SNX16: variants seen among roughly 807,000 people sequenced by gnomAD.
The protein encoded by SNX16 is sorting nexin 16.
SNX16 carries 35 observed loss-of-function variants against 36.7 expected under a neutral mutation model. That is an observed-to-expected ratio of 0.95 (90% confidence interval 0.73 to 1.27). The LOEUF is 1.27. Ranked by LOEUF, SNX16 falls within the 50% of genes most tolerant of loss-of-function variation. The probability of loss-of-function intolerance (pLI) is 0.00; values close to 1 mark genes in which losing one functional copy is unlikely to be tolerated. For synonymous variants in SNX16, 134 were observed against 132.0 expected, an observed-to-expected ratio of 1.02 and a Z score of -0.10; for missense variants, 367 against 393.6, an observed-to-expected ratio of 0.93 and a Z score of 0.57.
At chr8:81,827,967 C>T (rs1416266548) in intron 3 of SNX16, among the ~76,000 whole-genome samples, 1 of 152,128 alleles carries the variant, frequency 6.6e-6, no homozygotes, top group East Asian at 1.9e-4. Context: ...TGATTTTTCT[C>T]TTGGCTTCCA....
At chr8:81,837,977 A>T (rs56148400) in intron 2 of SNX16, among the ~76,000 whole-genome samples, 3,001 of 152,330 alleles carry the variant, frequency 0.02, 115 homozygotes, top group Admixed American at 0.097. Flanking sequence ...TGAAACATTG[A>T]AGTAAACATT....
At chr8:81,808,310 C>A in intron 5 of SNX16, 4 of 1,202,652 alleles carry the variant, frequency 3.3e-6, no homozygotes, top group Non-Finnish European at 1.2e-6. Context: ...GTTAGGAAGA[C>A]CTGTCAAAGC....
At chr8:81,831,524 C>A (rs1811267306) in intron 2 of SNX16, among the ~76,000 whole-genome samples, 1 of 151,444 alleles carries the variant, frequency 6.6e-6, no homozygotes, top group Non-Finnish European at 1.5e-5. Flanking sequence ...ATGGTGAAAC[C>A]CCGCCTCTAC....
chr8:81,815,487 T>A, intron 4 of SNX16, 93 bp from the exon 5 acceptor site: 1 of 935,616 alleles, frequency 1.1e-6, no homozygotes, highest in Non-Finnish European at 1.6e-6. Flanking sequence ...TACAGTGTTT[T>A]AAACAAGTTG....
intron 2 of SNX16, among the ~76,000 whole-genome samples, chr8:81,836,379 T>TAC (rs952161049): frequency 5.3e-5 from 8 of 152,218 alleles, no homozygotes; most frequent in Non-Finnish European, 1.2e-4. Flanking sequence ...CTTATATGTA[T>TAC]ACACACACAT....
intron 4 of SNX16, among the ~76,000 whole-genome samples, chr8:81,822,212 G>T (rs1810778961): frequency 6.6e-6 from 1 of 152,054 alleles, no homozygotes; most frequent in Non-Finnish European, 1.5e-5. Flanking sequence ...ACCTAACGAA[G>T]TGCAGTTTGT....
At chr8:81,818,271 ATTC>A (rs1810578800) in intron 4 of SNX16, among the ~76,000 whole-genome samples, 1 of 152,062 alleles carries the variant, frequency 6.6e-6, no homozygotes, top group Non-Finnish European at 1.5e-5. Context: ...AAATAACTGA[ATTC>A]TTCTTTCATT....
intron 1 of SNX16, chr8:81,840,535 T>C (rs1175406903): frequency 6.6e-6 from 1 of 152,578 alleles, no homozygotes; most frequent in Non-Finnish European, 1.5e-5. Flanking sequence ...TCTATTCACA[T>C]TACCTTTCAA....
At chr8:81,806,139 C>A (rs1410272645) in intron 5 of SNX16, among the ~76,000 whole-genome samples, 1 of 152,056 alleles carries the variant, frequency 6.6e-6, no homozygotes, top group Non-Finnish European at 1.5e-5. Flanking sequence ...ATTTAGGGAA[C>A]AACCAATATG....
At chr8:81,818,094 G>A (rs1005188607) in intron 4 of SNX16, among the ~76,000 whole-genome samples, 1 of 151,922 alleles carries the variant, frequency 6.6e-6, no homozygotes, top group Non-Finnish European at 1.5e-5. Flanking sequence ...GAGTTTTACC[G>A]TATTTTCAAA....
At position 81,822,964 on chromosome 8, in the gene SNX16, A is replaced by ATATATATATATATGTATATG. The variant is rs1554546264; in HGVS notation, c.611+827_611+828insCATATACATATATATATATA. Among the ~76,000 whole-genome samples the ATATATATATATATGTATATG allele has an allele frequency of 5.7e-3, 727 of 127,018 alleles. 7 individuals are homozygous for ATATATATATATATGTATATG. The highest frequency in any genetic ancestry group is 0.014 in the African/African-American group (439 of 32,248). 83.3% of individuals were successfully genotyped at this position (127,018 alleles called of 152,430 possible). ...TACATATACATATATATATATATAT[A>ATATATATATATATGTATATG]TATATATATATACACATATGTGTGT... On this transcript the variant is annotated intron_variant, in intron 4 of 7. Coordinates refer to ENST00000345957, the MANE Select transcript of SNX16 (RefSeq NM_152836.3).
chr8:81,807,648 G>T, intron 5 of SNX16: 1 of 441,146 alleles, frequency 2.3e-6, no homozygotes, highest in Non-Finnish European at 4.2e-6. Context: ...AAATGAGGTT[G>T]GGATCACTGG....
intron 5 of SNX16, chr8:81,808,156 G>T: frequency 7.8e-7 from 1 of 1,286,762 alleles, no homozygotes; most frequent in Non-Finnish European, 1.1e-6. Context: ...TGAACAGTGT[G>T]GAAAAATGGA....
In SNX16 at chr8:81,841,481, G is replaced by A. The variant is rs17713141; in HGVS notation, c.-97+641C>T. ...GGCCTCCCCAAAAACAAGTAAGTCTGAAATCTCAACCTTCTCAAGGTCCGA... is the reference window on the plus strand; with the variant it reads ...GGCCTCCCCAAAAACAAGTAAGTCTAAAATCTCAACCTTCTCAAGGTCCGA... On this transcript the variant is annotated intron_variant, in intron 1 of 7. Coordinates refer to ENST00000345957, the MANE Select transcript of SNX16 (RefSeq NM_152836.3). Among the ~76,000 whole-genome samples, 333 of 152,036 alleles carry A rather than the reference G, an allele frequency of 2.2e-3. 1 individual carries two copies. Among genetic ancestry groups the A allele is most frequent in the African/African-American group, 7.6e-3 (317 of 41,462 alleles).
chr8:81,809,083 AG>A (rs1211459216), intron 5 of SNX16, among the ~76,000 whole-genome samples: 4 of 152,118 alleles, frequency 2.6e-5, no homozygotes, highest in African/African-American at 9.6e-5. Flanking sequence ...TGCTGTGTAA[AG>A]TTAGTCTACT....
At chr8:81,812,928 A>G (rs908456810) in intron 5 of SNX16, among the ~76,000 whole-genome samples, 4 of 152,120 alleles carry the variant, frequency 2.6e-5, no homozygotes, top group African/African-American at 9.6e-5. Flanking sequence ...TCACTGAAAT[A>G]TAATACCTTT....
intron 4 of SNX16, among the ~76,000 whole-genome samples, chr8:81,822,778 T>C (rs767712537): frequency 1.3e-4 from 19 of 151,842 alleles, no homozygotes; most frequent in Non-Finnish European, 1.5e-4. Context: ...TATCTGAAGA[T>C]GTCGAGGAGA....
At chr8:81,808,117 A>G in intron 5 of SNX16, 1 of 1,236,456 alleles carries the variant, frequency 8.1e-7, no homozygotes, top group Non-Finnish European at 1.2e-6. Flanking sequence ...TAAAGAAGAC[A>G]CTGAAGAACA....
intron 5 of SNX16, among the ~76,000 whole-genome samples, chr8:81,809,868 T>C (rs567664606): frequency 6.6e-6 from 1 of 152,146 alleles, no homozygotes; most frequent in African/African-American, 2.4e-5. Context: ...AAGATTAACA[T>C]CCACCCCAGT....
Sources: allele counts gnomAD v4.1 joint callset (sites outside exome capture counted in the v4.1 genomes callset), GRCh38; gene constraint gnomAD v4.1.1; transcripts MANE v1.5; gene names NCBI Gene and HGNC (gene_info 2026-07-23, HGNC 2026-07-21).